The following TANC2 variants were observed in gnomAD, a reference collection of about 807,000 sequenced individuals.
The protein encoded by TANC2 is tetratricopeptide repeat, ankyrin repeat and coiled-coil containing 2.
TANC2 carries 26 observed loss-of-function variants against 210.5 expected under a neutral mutation model. The observed-to-expected ratio is 0.12, with a 90% CI of 0.09 to 0.17. TANC2 has a LOEUF of 0.17. Among genes scored for constraint, TANC2 ranks in the 10% least tolerant of loss-of-function variants. The pLI, the probability that TANC2 is intolerant of heterozygous loss-of-function variation, is 1.00. For synonymous variants in TANC2, 931 were observed against 967.1 expected (o/e 0.96, Z 0.69); for missense variants, 2,129 against 2,608.9 (o/e 0.82, Z 4.01).
At chr17:63,396,255 G>A (rs1209469401) in intron 18 of TANC2, 1 of 242,242 alleles carries the variant, frequency 4.1e-6, no homozygotes, top group African/African-American at 2.2e-5. Flanking sequence ...GTTAGATAAT[G>A]TGGCACAGGA....
intron 2 of TANC2, among the ~76,000 whole-genome samples, chr17:63,040,268 A>G (rs548976639): frequency 6.6e-6 from 1 of 152,322 alleles, no homozygotes; most frequent in South Asian, 2.1e-4. Context: ...AATAAAGGAG[A>G]GGAAGTAGGA....
chr17:63,037,929 C>G (rs1018660644), intron 2 of TANC2, among the ~76,000 whole-genome samples: 9 of 151,684 alleles, frequency 5.9e-5, no homozygotes, highest in Admixed American at 2.0e-4. Flanking sequence ...TTAGTAGATT[C>G]CTTTGAATCT....
At chr17:63,178,188 C>T (rs948409815) in intron 5 of TANC2, among the ~76,000 whole-genome samples, 1 of 152,124 alleles carries the variant, frequency 6.6e-6, no homozygotes, top group African/African-American at 2.4e-5. Flanking sequence ...AAAACATTAG[C>T]CGGGCGTGGT....
At chr17:63,411,821 C>T in intron 22 of TANC2, 135 bp downstream of exon 22, 1 of 1,395,868 alleles carries the variant, frequency 7.2e-7, no homozygotes, top group Non-Finnish European at 9.7e-7. Flanking sequence ...TGCTAGAGAG[C>T]AAGAATATTC....
At chr17:63,035,052 C>A (rs539843963) in intron 2 of TANC2, among the ~76,000 whole-genome samples, 2 of 152,220 alleles carry the variant, frequency 1.3e-5, no homozygotes, top group African/African-American at 2.4e-5. Flanking sequence ...ACAGAGAAAT[C>A]TTTCATGAAA....
chr17:63,239,618 T>C (rs761199769), intron 8 of TANC2, among the ~76,000 whole-genome samples: 4 of 152,214 alleles, frequency 2.6e-5, no homozygotes, highest in Non-Finnish European at 5.9e-5. Flanking sequence ...TTATTCACTT[T>C]TATATAGTGA....
At chr17:63,376,386 A>G (rs1386316554) in intron 14 of TANC2, among the ~76,000 whole-genome samples, 1 of 152,070 alleles carries the variant, frequency 6.6e-6, no homozygotes, top group Admixed American at 6.5e-5. Flanking sequence ...AGTTTCCCCC[A>G]TGCTGTTCTC....
At chr17:63,358,356 A>T (rs1229353713) in intron 14 of TANC2, among the ~76,000 whole-genome samples, 1 of 81,290 alleles carries the variant, frequency 1.2e-5, no homozygotes, top group African/African-American at 5.0e-5. Flanking sequence ...GTAGAGTGAG[A>T]GAGAGAGAGA....
At chr17:63,364,631 G>A (rs1157436639) in intron 14 of TANC2, among the ~76,000 whole-genome samples, 1 of 152,080 alleles carries the variant, frequency 6.6e-6, no homozygotes, top group Admixed American at 6.5e-5. Flanking sequence ...TATTCATGAA[G>A]CATTTACAGG....
At chr17:63,307,827 G>A (rs955313743) in intron 9 of TANC2, among the ~76,000 whole-genome samples, 9 of 152,054 alleles carry the variant, frequency 5.9e-5, no homozygotes, top group Non-Finnish European at 8.8e-5. Flanking sequence ...GTGCAGTGGC[G>A]CGATCTCAGC....
intron 12 of TANC2, among the ~76,000 whole-genome samples, chr17:63,343,072 AT>A (rs956549770): frequency 4.0e-5 from 6 of 151,694 alleles, no homozygotes; most frequent in East Asian, 1.9e-4. Context: ...AAAGAAGAAT[AT>A]TTTTTTTAGA....
chr17:63,063,604 G>A (rs949477145), intron 2 of TANC2, among the ~76,000 whole-genome samples: 3 of 129,514 alleles, frequency 2.3e-5, no homozygotes, highest in South Asian at 2.5e-4. Context: ...ATCACACTTC[G>A]TTACCCAGTA....
At chr17:63,401,151 A>C (rs1300449771) in intron 19 of TANC2, among the ~76,000 whole-genome samples, 1 of 152,150 alleles carries the variant, frequency 6.6e-6, no homozygotes, top group Non-Finnish European at 1.5e-5. Flanking sequence ...TAAATTTTAT[A>C]ATGACCTATT....
intron 3 of TANC2, among the ~76,000 whole-genome samples, chr17:63,097,818 C>T (rs796569961): frequency 4.6e-5 from 7 of 152,128 alleles, no homozygotes; most frequent in African/African-American, 1.7e-4. Flanking sequence ...TTGATTTTTT[C>T]CTTTAATGCT....
chr17:63,262,613 A>G (rs1361504345), intron 8 of TANC2, among the ~76,000 whole-genome samples: 2 of 149,208 alleles, frequency 1.3e-5, no homozygotes, highest in Non-Finnish European at 3.0e-5. Context: ...GATGGGTCTG[A>G]ATCCCTAGTA....
intron 2 of TANC2, among the ~76,000 whole-genome samples, chr17:63,055,730 A>G (rs891117135): frequency 6.7e-6 from 1 of 149,646 alleles, no homozygotes; most frequent in African/African-American, 2.5e-5. Context: ...AGGAGGCCTT[A>G]TCTGTAATGA....
chr17:63,417,456 C>T (rs994262414), intron 26 of TANC2, among the ~76,000 whole-genome samples: 8 of 152,016 alleles, frequency 5.3e-5, no homozygotes, highest in Non-Finnish European at 1.0e-4. Flanking sequence ...TCCAGGGGTT[C>T]TCAGGAATGA....
chr17:62,990,020 G>A (rs1192898261), intron 1 of TANC2, among the ~76,000 whole-genome samples: 2 of 151,942 alleles, frequency 1.3e-5, no homozygotes, highest in Non-Finnish European at 2.9e-5. Context: ...CTCGTGATCC[G>A]CCTGTCTCGG....
intron 7 of TANC2, among the ~76,000 whole-genome samples, chr17:63,210,663 G>C (rs2041858599): frequency 6.6e-6 from 1 of 152,110 alleles, no homozygotes. Context: ...AACACAATGT[G>C]ATAAAGAGTA....
Sources: allele counts gnomAD v4.1 joint callset (sites outside exome capture counted in the v4.1 genomes callset), GRCh38; gene constraint gnomAD v4.1.1; transcripts MANE v1.5; gene names NCBI Gene and HGNC (gene_info 2026-07-23, HGNC 2026-07-21).